ATG2A: variants seen among roughly 807,000 people sequenced by gnomAD.
ATG2A encodes autophagy-related protein 2 homolog A.
ATG2A carries 103 observed loss-of-function variants against 214.2 expected under a neutral mutation model. That is an observed-to-expected ratio of 0.48 (90% CI 0.41 to 0.57). ATG2A has a LOEUF of 0.57. Ranked by LOEUF, ATG2A falls within the 20% of genes least tolerant of loss-of-function variation. ATG2A has a pLI of 0.00. For missense variants in ATG2A, 2,312 were observed against 2,613.2 expected (o/e 0.88, Z 2.51); for synonymous variants, 1,160 against 1,142.1 (o/e 1.02, Z -0.32).
rs770775699 is a variant in ATG2A, at chr11:64,914,347, G to A, written c.325C>T (p.Arg109Trp). ...SGLQLTLQPR[R>W]GPAPGAADSQ... Reference sequence around the variant, plus strand: ...CTCGCCCTGCCCTCACCTGGACCCCGGCGGGGCTGCAAGGTGAGCTGGAGG... The same window carrying A: ...CTCGCCCTGCCCTCACCTGGACCCCAGCGGGGCTGCAAGGTGAGCTGGAGG... Residue 109 changes from arginine to tryptophan, a missense_variant, in exon 2 of 41, where the codon CGG becomes TGG. By Grantham distance (101) the Arg-to-Trp change is moderately radical (BLOSUM62 -3). Coordinates refer to ENST00000377264, the MANE Select transcript of ATG2A (RefSeq NM_015104.3). 1.6e-5 allele frequency: 25 copies of A among 1,603,166 alleles called. No individual in the cohort carries two copies. The highest frequency in any genetic ancestry group is 2.1e-5 in the Non-Finnish European group (25 of 1,175,628).
At position 64,913,180 on chromosome 11, in the gene ATG2A, A is replaced by T; in HGVS notation, c.727-44T>A. 6.2e-7 allele frequency: 1 copy of T among 1,603,850 alleles called. No individual in the cohort carries two copies. The highest frequency in any genetic ancestry group is 1.1e-5 in the South Asian group (1 of 89,606). On this transcript the variant is annotated intron_variant, in intron 5 of 40. Transcript: ENST00000377264. The surrounding 1 kb of genome is among the most constrained non-coding windows in gnomAD (Gnocchi z 4.3). ...CAAGAGGGAAAGGTTGAGAAAATGG[A>T]GTCAGAGATGGTCAGAAAGGATGGG... is the stretch of plus-strand genomic sequence containing the variant.
chr11:64,903,845 C>G lies in ATG2A; in HGVS notation c.3465-185G>C, dbSNP rs1006671605. ...GGCAGTGGGAAGCGGGCAGCACTTG[C>G]AGCTCTCAAAGTGCCTGCAGTTCCG... On this transcript the variant is annotated intron_variant, in intron 24 of 40. Transcript: ENST00000377264. The surrounding 1 kb of genome is among the most constrained non-coding windows in gnomAD (Gnocchi z 4.2). Among the ~76,000 whole-genome samples the G allele has an allele frequency of 6.6e-6, 1 of 152,248 alleles. No individual in the cohort carries two copies. Among genetic ancestry groups the G allele is most frequent in the Non-Finnish European group, 1.5e-5 (1 of 68,036 alleles).
At position 64,906,528 on chromosome 11, in the gene ATG2A, C is replaced by A. The variant is rs370733242; in HGVS notation, c.2989G>T (p.Val997Leu). 6.2e-7 allele frequency: 1 copy of A among 1,612,742 alleles called. No homozygotes were observed. The highest frequency in any genetic ancestry group is 8.5e-7 in the Non-Finnish European group (1 of 1,179,788). Reference sequence around the variant, plus strand: ...TGACTGGGCAGCGGGTAGTCATCCACGGCCGCTGGGGAGGGGTCTCATGAG... The same window carrying A: ...TGACTGGGCAGCGGGTAGTCATCCAAGGCCGCTGGGGAGGGGTCTCATGAG... Reference protein sequence around the residue: ...EKATLYHRAAVDDYPLPSHLD... With the variant: ...EKATLYHRAALDDYPLPSHLD... Residue 997 changes from valine (V) to leucine (L), a missense_variant, in exon 21 of 41, where the codon GTG (valine) becomes TTG (leucine). Physicochemically the swap from Val to Leu is conservative, Grantham distance 32. Transcript: ENST00000377264.
chr11:64,902,309 G>A lies in ATG2A; in HGVS notation c.3855C>T (p.Asp1285=), dbSNP rs139640202. 36 of 1,611,886 alleles carry A rather than the reference G, an allele frequency of 2.2e-5. 1 individual carries two copies. In the East Asian group the frequency reaches 2.7e-4, roughly 12 times the overall value. ...GGCTGCGCTCGGTGTCCAGGAGGGC[G>A]TCGGCCAGGTCACGCTGGTTGATGA... ...TALINQRDLA[D]ALLDTERSLR... is the part of the protein sequence containing the mutation. Residue 1285 remains aspartate, a synonymous_variant, in exon 28 of 41, where the codon GAC becomes GAT. Transcript: ENST00000377264.
In ATG2A at chr11:64,905,602, G is replaced by A. The variant is rs760365219; in HGVS notation, c.3425C>T (p.Ser1142Phe). 5 of 1,613,608 alleles carry A rather than the reference G, an allele frequency of 3.1e-6. No homozygotes were observed. The Middle Eastern group carries it at 5.0e-4, about 160-fold the overall frequency. Residue 1142 changes from serine (S) to phenylalanine (F), a missense_variant, in exon 24 of 41, where the codon TCC becomes TTC. Ser to Phe is a radical substitution (Grantham distance 155). Transcript: ENST00000377264. ...VLITAETFTL[S>F]SNIIMDTSTF... ...GGAGGTGTCCATGATGATGTTGCTG[G>A]AGAGAGTGAAGGTCTCCGCGGTGAT...
chr11:64,912,666 T>C (rs935636204), intron 6 of ATG2A: 13 of 499,872 alleles, frequency 2.6e-5, no homozygotes, highest in Non-Finnish European at 3.9e-5. Context: ...CAATCTTGGC[T>C]CACTGCAACC....
rs1310753522 is a variant in ATG2A, at chr11:64,917,174, C to A, written c.-39G>T. 1 of 1,555,754 alleles carries A rather than the reference C, an allele frequency of 6.4e-7. No individual in the cohort carries two copies. Among genetic ancestry groups the A allele is most frequent in the Non-Finnish European group, 8.7e-7 (1 of 1,150,466 alleles). On this transcript the variant is annotated 5_prime_UTR_variant, in exon 1 of 41. Transcript: ENST00000377264. ...GGGCCTGGGCCGCCTCCGCTTGCCG[C>A]CCGCCGGCGATCCCCGTCCGGCTCC...
chr11:64,914,563 C>G lies in ATG2A; in HGVS notation c.172-63G>C, dbSNP rs1162552460. ...CCCCAAATCCCACAGGCTGGCACAG[C>G]CTTATCTGGCCATAGTGCCTTGGAG... On this transcript the variant is annotated intron_variant, in intron 1 of 40. Coordinates refer to ENST00000377264, the MANE Select transcript of ATG2A (RefSeq NM_015104.3). 5.7e-6 allele frequency: 9 copies of G among 1,567,010 alleles called. No homozygotes were observed. The Admixed American group carries it at 9.1e-5, about 16-fold the overall frequency.
At position 64,909,926 on chromosome 11, in the gene ATG2A, TGCAGGAGGATTGGGGGTCAGAGCAGCC is replaced by T. The variant is rs747474370; in HGVS notation, c.1864-29_1864-3del. 3 of 1,598,236 alleles carry T rather than the reference TGCAGGAGGATTGGGGGTCAGAGCAGCC, an allele frequency of 1.9e-6. No individual in the cohort carries two copies. The East Asian group carries it at 6.7e-5, about 36-fold the overall frequency. Reference sequence around the variant, plus strand: ...CTCCATCGCCGGCAGGGGCTCTGTCTGCAGGAGGATTGGGGGTCAGAGCAGCCGTCGGAGCCCCTCCCACTGTGACCA... The same window carrying T: ...CTCCATCGCCGGCAGGGGCTCTGTCTGTCGGAGCCCCTCCCACTGTGACCA... On this transcript the variant is annotated splice_polypyrimidine_tract_variant and splice_region_variant and intron_variant, in intron 13 of 40. Coordinates refer to ENST00000377264, the MANE Select transcript of ATG2A (RefSeq NM_015104.3).
At position 64,913,606 on chromosome 11, in the gene ATG2A, T is replaced by C; in HGVS notation, c.591-205A>G. On this transcript the variant is annotated intron_variant, in intron 4 of 40. Coordinates refer to ENST00000377264, the MANE Select transcript of ATG2A (RefSeq NM_015104.3). The surrounding 1 kb of genome is among the most constrained non-coding windows in gnomAD (Gnocchi z 4.3). The stretch of plus-strand genomic sequence containing the variant: ...CTCAGACCCTCAGCATCTAACTTGG[T>C]TCTTGGGGCCTCGGCCACTCTGGGC... 1 of 830,548 alleles carries C rather than the reference T, an allele frequency of 1.2e-6. No homozygotes were observed. Among genetic ancestry groups the C allele is most frequent in the Non-Finnish European group, 1.8e-6 (1 of 546,762 alleles). 51.4% of individuals were successfully genotyped at this position (830,548 alleles called of 1,614,324 possible). A position where few individuals can be genotyped will look rare whatever the true frequency, so the allele number is the denominator to read the frequency against.
intron 21 of ATG2A, 25 bp downstream of exon 21, chr11:64,906,309 G>A (rs765644276): frequency 1.9e-6 from 3 of 1,611,272 alleles, no homozygotes; most frequent in African/African-American, 1.3e-5. Flanking sequence ...CTAGCAGGAG[G>A]GGTGGATGGT....
Position 64,895,401 on chromosome 11 carries a change from G to C in ATG2A, c.5469C>G (p.Ala1823=). Reference sequence around the variant, plus strand: ...TATCCTGCAGGGAGCGGGAGACGGGGGCTGCCGGGGACAGGATGTCATACA... The same window carrying C: ...TATCCTGCAGGGAGCGGGAGACGGGCGCTGCCGGGGACAGGATGTCATACA... ...ETVYDILSPA[A]PVSRSLQDKR... is the part of the protein sequence containing the mutation. The change falls in exon 40 of 41, where the codon GCC becomes GCG. Residue 1823 remains alanine (A), a synonymous_variant. Transcript: ENST00000377264. This position sits in a 1 kb window ranked among gnomAD's most constrained non-coding sequence, Gnocchi z 5.0. 1 of 1,608,440 alleles carries C rather than the reference G, an allele frequency of 6.2e-7. No homozygotes were observed. The highest frequency in any genetic ancestry group is 1.1e-5 in the South Asian group (1 of 90,676).
chr11:64,897,511 G>A lies in ATG2A; in HGVS notation c.5068-17C>T, dbSNP rs1187151038. The A allele has an allele frequency of 1.3e-6, 2 of 1,584,446 alleles. No individual in the cohort carries two copies. Among genetic ancestry groups the A allele is most frequent in the East Asian group, 2.3e-5 (1 of 43,100 alleles). ...AAAAGTGCCCTGGGAGAGGGAGGGG[G>A]TCCAGGTTTACCCAATGGGACTCAG... On this transcript the variant is annotated splice_polypyrimidine_tract_variant and intron_variant, in intron 36 of 40. Transcript: ENST00000377264.
At chr11:64,911,478 G>A (rs1243135858) in intron 9 of ATG2A, among the ~76,000 whole-genome samples, 4 of 152,152 alleles carry the variant, frequency 2.6e-5, no homozygotes, top group Non-Finnish European at 5.9e-5. Context: ...ACCCTCCTCA[G>A]GGTGCTGGAA....
At position 64,901,007 on chromosome 11, in the gene ATG2A, C is replaced by T. The variant is rs772903381; in HGVS notation, c.4205G>A (p.Ser1402Asn). 1 of 1,590,094 alleles carries T rather than the reference C, an allele frequency of 6.3e-7. No individual in the cohort carries two copies. The highest frequency in any genetic ancestry group is 1.1e-5 in the South Asian group (1 of 87,530). ...GGCAGGTGCCCGCAGCAAGTCCGTG[C>T]TGCCGATCGGCCGTGAGAAGTAACC... Reference protein sequence around the residue: ...RDGYFSRPIGSTDLLRAPAHF... With the variant: ...RDGYFSRPIGNTDLLRAPAHF... Residue 1402 changes from serine (S) to asparagine (N), a missense_variant, in exon 30 of 41, where the codon AGC becomes AAC. By Grantham distance (46) the Ser-to-Asn change is conservative. Coordinates refer to ENST00000377264, the MANE Select transcript of ATG2A (RefSeq NM_015104.3).
chr11:64,915,819 A>G (rs1169952729), intron 1 of ATG2A, among the ~76,000 whole-genome samples: 2 of 152,130 alleles, frequency 1.3e-5, no homozygotes, highest in Middle Eastern at 3.2e-3. Context: ...ATAAAAATAA[A>G]AAAGGGGCAG....
intron 1 of ATG2A, among the ~76,000 whole-genome samples, chr11:64,915,333 CAAG>C (rs934099716): frequency 3.7e-4 from 57 of 152,192 alleles, no homozygotes; most frequent in Admixed American, 3.5e-3. Context: ...TGGTTGGATC[CAAG>C]AATAAAAAAG....
chr11:64,901,582 G>A (rs1166251471), intron 29 of ATG2A, among the ~76,000 whole-genome samples: 1 of 152,034 alleles, frequency 6.6e-6, no homozygotes, highest in Non-Finnish European at 1.5e-5. Context: ...AGAATGCCAG[G>A]CTCCTGCCAG....
chr11:64,913,064 G>C lies in ATG2A; in HGVS notation c.799C>G (p.Gln267Glu). Reference protein sequence around the residue: ...GYMELMVKLKQNEAFPGPKLE... With the variant: ...GYMELMVKLKENEAFPGPKLE... The stretch of plus-strand genomic sequence containing the variant: ...TTGGGGCCAGGGAAGGCCTCATTTT[G>C]CTTCAACTTCACCATCAGCTCCATG... The change falls in exon 6 of 41, where the codon CAA becomes GAA. Residue 267 changes from glutamine to glutamate, a missense_variant. Gln to Glu is a conservative substitution (Grantham distance 29, BLOSUM62 2). Coordinates refer to ENST00000377264, the MANE Select transcript of ATG2A (RefSeq NM_015104.3). This position sits in a 1 kb window ranked among gnomAD's most constrained non-coding sequence, Gnocchi z 4.3. 6.4e-7 allele frequency: 1 copy of C among 1,567,354 alleles called. No individual in the cohort carries two copies. Among genetic ancestry groups the C allele is most frequent in the South Asian group, 1.2e-5 (1 of 84,950 alleles).
Sources: gnomAD v4.1 joint callset for allele counts (sites outside exome capture counted in the v4.1 genomes callset) on GRCh38, gnomAD v4.1.1 for gene constraint, Gnocchi (gnomAD v3.1) non-coding constraint, MANE v1.5 for transcripts, NCBI Gene and HGNC (gene_info 2026-07-23, HGNC 2026-07-21) for gene names.